ARHGEF10: variants seen among roughly 807,000 people sequenced by gnomAD.
ARHGEF10 encodes Rho guanine nucleotide exchange factor 10.
Under a neutral mutation model 147.4 loss-of-function variants are expected in ARHGEF10, and 140 were observed. The ratio of observed to expected loss-of-function variants is 0.95; its 90% CI spans 0.83 to 1.09. The LOEUF (loss-of-function observed/expected upper bound fraction) is 1.09. ARHGEF10 is among the 50% of genes least tolerant of loss of function. ARHGEF10 has a pLI of 0.00. For missense variants in ARHGEF10, 2,222 were observed against 1,752.7 expected (o/e 1.27, Z -4.78); for synonymous variants, 902 against 695.8 (o/e 1.30, Z -4.67).
intron 1 of ARHGEF10, among the ~76,000 whole-genome samples, chr8:1,827,002 A>G (rs1158068321): frequency 6.6e-6 from 1 of 152,210 alleles, no homozygotes; most frequent in African/African-American, 2.4e-5. Context: ...GGCCAGGCCC[A>G]GGGGCTGCCA....
At chr8:1,878,933 C>T (rs1452235425) in intron 8 of ARHGEF10, among the ~76,000 whole-genome samples, 2 of 152,154 alleles carry the variant, frequency 1.3e-5, no homozygotes, top group Non-Finnish European at 2.9e-5. Flanking sequence ...GTCCATGTTG[C>T]CAGGACAGTG....
At chr8:1,867,035 C>G (rs900252383) in intron 6 of ARHGEF10, among the ~76,000 whole-genome samples, 2 of 137,906 alleles carry the variant, frequency 1.5e-5, no homozygotes, top group African/African-American at 5.4e-5. Context: ...TTTTTTTTGT[C>G]CCATACACAC....
intron 10 of ARHGEF10, among the ~76,000 whole-genome samples, chr8:1,884,780 T>A (rs151005420): frequency 4.6e-5 from 7 of 152,212 alleles, no homozygotes; most frequent in African/African-American, 1.7e-4. Context: ...TTCTTGTTTT[T>A]TAGAGACAGG....
intron 6 of ARHGEF10, among the ~76,000 whole-genome samples, chr8:1,867,081 A>G (rs1806690934): frequency 6.6e-6 from 1 of 150,970 alleles, no homozygotes; most frequent in South Asian, 2.1e-4. Flanking sequence ...CTTTTATCTA[A>G]TCGTACAAAT....
Position 1,956,904 on chromosome 8 carries a change from G to A in ARHGEF10, c.3676G>A (p.Gly1226Arg). 2 of 1,614,162 alleles carry A rather than the reference G, an allele frequency of 1.2e-6. No individual in the cohort carries two copies. The highest frequency in any genetic ancestry group is 8.5e-7 in the Non-Finnish European group (1 of 1,180,028). The change falls in exon 29 of 29, where the codon GGA (glycine) becomes AGA (arginine). Residue 1226 changes from glycine (G) to arginine (R), a missense_variant. Transcript: ENST00000349830. ...DEDQKDALPS[G>R]GAGSSLSQGD... ...AGACCAGAAGGACGCACTTCCGAGT[G>A]GAGGAGCTGGTTCATCTCTGAGCCA...
At chr8:1,836,491 G>A (rs1178166235) in intron 1 of ARHGEF10, among the ~76,000 whole-genome samples, 2 of 152,138 alleles carry the variant, frequency 1.3e-5, no homozygotes, top group Admixed American at 6.5e-5. Context: ...GGCTGACGCC[G>A]GTGGAAGACT....
At chr8:1,837,759 T>C (rs966145124) in intron 1 of ARHGEF10, among the ~76,000 whole-genome samples, 1 of 152,186 alleles carries the variant, frequency 6.6e-6, no homozygotes, top group Admixed American at 6.5e-5. Context: ...GCTGATTTTC[T>C]CTGAAGCCCG....
intron 2 of ARHGEF10, among the ~76,000 whole-genome samples, chr8:1,845,909 C>T (rs1804523917): frequency 6.6e-6 from 1 of 151,520 alleles, no homozygotes; most frequent in Non-Finnish European, 1.5e-5. Context: ...CACTCCTCTG[C>T]TGGGGCTGGG....
At chr8:1,859,246 T>C (rs1458158485) in intron 3 of ARHGEF10, among the ~76,000 whole-genome samples, 1 of 151,830 alleles carries the variant, frequency 6.6e-6, no homozygotes, top group Non-Finnish European at 1.5e-5. Flanking sequence ...TGCCCGGTGT[T>C]TCTTTGGCCA....
chr8:1,898,759 G>A (rs112175664), intron 15 of ARHGEF10, among the ~76,000 whole-genome samples: 1 of 152,280 alleles, frequency 6.6e-6, no homozygotes, highest in African/African-American at 2.4e-5. Flanking sequence ...GGGGGACAGA[G>A]GGGATGGGCT....
chr8:1,929,677 C>T (rs749185526), intron 25 of ARHGEF10, among the ~76,000 whole-genome samples: 11 of 152,224 alleles, frequency 7.2e-5, no homozygotes, highest in South Asian at 4.1e-4. Context: ...TCCCACCCTC[C>T]CACTTCTCTC....
intron 1 of ARHGEF10, among the ~76,000 whole-genome samples, chr8:1,828,667 G>A (rs573223448): frequency 2.0e-5 from 3 of 148,090 alleles, no homozygotes; most frequent in Admixed American, 6.8e-5. Context: ...TTGATAAACC[G>A]TGGCATGCAC....
chr8:1,834,499 A>G (rs901418662), intron 1 of ARHGEF10, among the ~76,000 whole-genome samples: 1 of 152,154 alleles, frequency 6.6e-6, no homozygotes, highest in Non-Finnish European at 1.5e-5. Flanking sequence ...CTCTGAGGCC[A>G]AATCCAGATG....
chr8:1,845,536 A>T (rs1387988008), intron 2 of ARHGEF10, among the ~76,000 whole-genome samples: 1 of 152,232 alleles, frequency 6.6e-6, no homozygotes, highest in Non-Finnish European at 1.5e-5. Context: ...CTCTGCAGGT[A>T]AGCGTGGAGG....
At position 1,896,435 on chromosome 8, in the gene ARHGEF10, C is replaced by T. The variant is rs1809978674; in HGVS notation, c.1543C>T (p.Leu515Phe). 2 of 1,612,356 alleles carry T rather than the reference C, an allele frequency of 1.2e-6. No homozygotes were observed. Among genetic ancestry groups the T allele is most frequent in the Non-Finnish European group, 1.7e-6 (2 of 1,179,400 alleles). ...AACATGTGCCACAAAGCCCGCTTTT[C>T]TTGAATTTTTAAAGGTAAGCGCTTT... is the stretch of plus-strand genomic sequence containing the variant. Reference protein sequence around the residue: ...KKTCATKPAFLEFLKQEQEAS... With the variant: ...KKTCATKPAFFEFLKQEQEAS... Residue 515 changes from leucine (L) to phenylalanine (F), a missense_variant, in exon 14 of 29, where the codon CTT becomes TTT. Transcript: ENST00000349830.
chr8:1,912,923 C>T (rs1207268908), intron 18 of ARHGEF10, among the ~76,000 whole-genome samples: 1 of 152,096 alleles, frequency 6.6e-6, no homozygotes, highest in Non-Finnish European at 1.5e-5. Context: ...CCTGGTGCAG[C>T]GTCTTTGTTG....
chr8:1,914,898 C>T (rs543315660), intron 18 of ARHGEF10, among the ~76,000 whole-genome samples: 5 of 152,354 alleles, frequency 3.3e-5, no homozygotes, highest in African/African-American at 9.6e-5. Flanking sequence ...GCTTTCCACA[C>T]TGAATACCGT....
At chr8:1,930,185 C>T (rs754360498) in intron 25 of ARHGEF10, among the ~76,000 whole-genome samples, 2 of 152,116 alleles carry the variant, frequency 1.3e-5, no homozygotes, top group Non-Finnish European at 2.9e-5. Context: ...CAGCCAGTCT[C>T]GGTGCTGCCA....
intron 5 of ARHGEF10, 75 bp from the exon 6 acceptor site, chr8:1,866,451 T>A (rs1806621892): frequency 5.2e-6 from 6 of 1,162,400 alleles, no homozygotes; most frequent in Non-Finnish European, 7.8e-6. Flanking sequence ...ACACACACAC[T>A]CTGCAGGGCA....
Sources: gnomAD v4.1 joint callset for allele counts (sites outside exome capture counted in the v4.1 genomes callset) on GRCh38, gnomAD v4.1.1 for gene constraint, MANE v1.5 for transcripts, NCBI Gene and HGNC (gene_info 2026-07-23, HGNC 2026-07-21) for gene names.